NOS1: variants seen among roughly 807,000 people sequenced by gnomAD.
NOS1 encodes NOS type I.
NOS1 carries 51 observed loss-of-function variants against 164.5 expected under a neutral mutation model. The ratio of observed to expected loss-of-function variants is 0.31; its 90% CI spans 0.25 to 0.39. The LOEUF (loss-of-function observed/expected upper bound fraction) is 0.39, where lower values mean the gene tolerates loss of function less well. NOS1 is among the 10% of genes least tolerant of loss of function. NOS1 has a pLI of 1.00. For missense variants in NOS1, 1,362 were observed against 1,885.6 expected (o/e 0.72, Z 5.14); for synonymous variants, 719 against 745.8 (o/e 0.96, Z 0.59).
intron 27 of NOS1, among the ~76,000 whole-genome samples, chr12:117,219,333 C>A (rs763493098): frequency 6.0e-5 from 9 of 149,132 alleles, no homozygotes; most frequent in Non-Finnish European, 1.0e-4. Context: ...TGAGATGGAG[C>A]CTCACTCTCG....
At chr12:117,232,803 C>T (rs1315246970) in intron 21 of NOS1, among the ~76,000 whole-genome samples, 1 of 152,114 alleles carries the variant, frequency 6.6e-6, no homozygotes, top group Admixed American at 6.5e-5. Context: ...GGTTCAATCC[C>T]AAATAAAAAG....
At chr12:117,351,195 T>A (rs979197349) in intron 1 of NOS1, among the ~76,000 whole-genome samples, 3 of 152,192 alleles carry the variant, frequency 2.0e-5, no homozygotes, top group Non-Finnish European at 4.4e-5. Context: ...AGACAGGAGA[T>A]GAGGGAGAAG....
intron 3 of NOS1, among the ~76,000 whole-genome samples, chr12:117,293,812 G>A (rs1486338395): frequency 6.6e-6 from 1 of 152,088 alleles, no homozygotes; most frequent in Admixed American, 6.6e-5. Flanking sequence ...AGGTTTGGGC[G>A]AGTTCTTTCC....
intron 7 of NOS1, among the ~76,000 whole-genome samples, chr12:117,283,278 T>C (rs1233479550): frequency 6.6e-6 from 1 of 152,062 alleles, no homozygotes; most frequent in East Asian, 1.9e-4. Flanking sequence ...CCCAGGCTGG[T>C]CTCAAACTCT....
chr12:117,218,084 G>A lies in NOS1; in HGVS notation c.4251C>T (p.Ser1417=), dbSNP rs771991915. The part of the protein sequence containing the change: ...YEVTNRLRSE[S]IAFIEESKKD... ...TTTTGCTCTCTTCAATGAAGGCAAT[G>A]GACTCAGATCTAAGGCGGTTGGTCA... The change falls in exon 28 of 29, where the codon TCC becomes TCT. Residue 1417 remains serine, a synonymous_variant. Transcript: ENST00000317775. 39 of 1,614,006 alleles carry A rather than the reference G, an allele frequency of 2.4e-5. No homozygotes were observed. Among genetic ancestry groups the A allele is most frequent in the Non-Finnish European group, 9.3e-6 (11 of 1,179,998 alleles).
intron 10 of NOS1, among the ~76,000 whole-genome samples, chr12:117,270,998 G>A (rs1476572085): frequency 2.0e-5 from 3 of 152,074 alleles, no homozygotes; most frequent in East Asian, 1.9e-4. Context: ...AGCCAAGATC[G>A]CACCACTGCA....
chr12:117,222,266 A>G (rs1956719120), intron 26 of NOS1, among the ~76,000 whole-genome samples: 1 of 152,084 alleles, frequency 6.6e-6, no homozygotes, highest in Non-Finnish European at 1.5e-5. Flanking sequence ...CATCACATAT[A>G]TATTTTTGAG....
chr12:117,256,606 CA>C (rs1311591018), intron 16 of NOS1, among the ~76,000 whole-genome samples: 2 of 151,702 alleles, frequency 1.3e-5, no homozygotes, highest in African/African-American at 4.8e-5. Context: ...TTAACACAGC[CA>C]AAAAACACCA....
rs1054760829 is a variant in NOS1 at position 117,243,143 on chromosome 12, G to A, written c.2962+154C>T. 2.1e-4 allele frequency among the ~76,000 whole-genome samples: 32 copies of A among 152,292 alleles called. No individual in the cohort carries two copies. The highest frequency in any genetic ancestry group is 7.0e-4 in the African/African-American group (29 of 41,558). On this transcript the variant is annotated intron_variant, in intron 19 of 28. Transcript: ENST00000317775. The surrounding 1 kb of genome is among the most constrained non-coding windows in gnomAD (Gnocchi z 4.3). ...TTTACCAGCACTTGTTTTACTGAGT[G>A]TGGGAGAGCAGCAAAGTATTCATTT... is the stretch of plus-strand genomic sequence containing the variant.
rs201418346 is a variant in NOS1 at position 117,231,944 on chromosome 12, C to T, written c.3405+18G>A. On this transcript the variant is annotated intron_variant, in intron 22 of 28. Transcript: ENST00000317775. The stretch of plus-strand genomic sequence containing the variant: ...GTGAAATGCGCCCCCTAGGGTTGTG[C>T]GAAGCCTGGGGACCCACCTTGCTGA... 24 of 1,605,406 alleles carry T rather than the reference C, an allele frequency of 1.5e-5. No individual in the cohort carries two copies. The highest frequency in any genetic ancestry group is 9.0e-5 in the East Asian group (4 of 44,584).
chr12:117,318,346 G>A (rs1346765679), intron 2 of NOS1, among the ~76,000 whole-genome samples: 4 of 152,184 alleles, frequency 2.6e-5, no homozygotes, highest in Non-Finnish European at 5.9e-5. Context: ...TAGGCAGCAA[G>A]GTTCCTTCTG....
intron 2 of NOS1, among the ~76,000 whole-genome samples, chr12:117,324,050 C>T (rs1278774052): frequency 6.6e-6 from 1 of 151,800 alleles, no homozygotes; most frequent in Non-Finnish European, 1.5e-5. Flanking sequence ...TGTGGGAGTA[C>T]AGGCATGAGC....
intron 22 of NOS1, among the ~76,000 whole-genome samples, chr12:117,229,268 G>A (rs1410873959): frequency 1.3e-5 from 2 of 152,134 alleles, no homozygotes; most frequent in African/African-American, 4.8e-5. Flanking sequence ...CCCACAGGCT[G>A]CTCCCTGCCA....
rs748417983 is a variant in NOS1 at position 117,234,218 on chromosome 12, A to T, written c.3235+347T>A. On this transcript the variant is annotated intron_variant, in intron 21 of 28. Transcript: ENST00000317775. The surrounding 1 kb of genome is among the most constrained non-coding windows in gnomAD (Gnocchi z 4.3). ...ACTTCAGCTGTTATTTACTTGGTGG[A>T]CAATGGGGTACTAGAGATTTTCCTG... is the stretch of plus-strand genomic sequence containing the variant. 6.6e-6 allele frequency among the ~76,000 whole-genome samples: 1 copy of T among 152,202 alleles called. No individual in the cohort carries two copies. Among genetic ancestry groups the T allele is most frequent in the Admixed American group, 6.5e-5 (1 of 15,282 alleles).
chr12:117,275,388 G>A (rs1481280792), intron 9 of NOS1, among the ~76,000 whole-genome samples: 1 of 152,008 alleles, frequency 6.6e-6, no homozygotes, highest in Non-Finnish European at 1.5e-5. Context: ...TAAGTGAAAT[G>A]AACCAGGAAC....
Position 117,214,491 on chromosome 12 carries a change from A to C in NOS1, c.*818T>G. On this transcript the variant is annotated 3_prime_UTR_variant, in exon 29 of 29. Transcript: ENST00000317775. ...TGGTATGGGTGGGTTTGGGGAGGGGATTTGCACAATCCATTGGATGGGTTC... is the reference window on the plus strand; with the variant it reads ...TGGTATGGGTGGGTTTGGGGAGGGGCTTTGCACAATCCATTGGATGGGTTC... 1 of 985,142 alleles carries C rather than the reference A, an allele frequency of 1.0e-6. No individual in the cohort carries two copies. The highest frequency in any genetic ancestry group is 4.7e-5 in the South Asian group (1 of 21,278). The allele number at this position is 985,142 out of a possible 1,614,324, so 61.0% of individuals were successfully genotyped here. A position where few individuals can be genotyped will look rare whatever the true frequency, so the allele number is the denominator to read the frequency against.
At chr12:117,317,937 C>G (rs113859085) in intron 2 of NOS1, among the ~76,000 whole-genome samples, 189 of 152,144 alleles carry the variant, frequency 1.2e-3, no homozygotes, top group African/African-American at 4.4e-3. Context: ...TTTAGGAGGC[C>G]GAGGTGGGAA....
At position 117,225,267 on chromosome 12, in the gene NOS1, C is replaced by CAGGT; in HGVS notation, c.3705-134_3705-131dup. Reference sequence around the variant, plus strand: ...AGACTTAAGGCTCTTCAGCCGGGGCCAGGTGCCCCTTTCCAGGGTGGGAGT... The same window carrying CAGGT: ...AGACTTAAGGCTCTTCAGCCGGGGCCAGGTAGGTGCCCCTTTCCAGGGTGGGAGT... On this transcript the variant is annotated intron_variant, in intron 24 of 28. Transcript: ENST00000317775. The CAGGT allele has an allele frequency of 7.4e-6, 9 of 1,224,436 alleles. 1 individual carries two copies. The South Asian group carries it at 1.4e-4, about 19-fold the overall frequency. The allele number at this position is 1,224,436 out of a possible 1,614,324, so 75.8% of individuals were successfully genotyped here.
In NOS1 at chr12:117,234,438, G is replaced by T; in HGVS notation, c.3235+127C>A. On this transcript the variant is annotated intron_variant, in intron 21 of 28. Transcript: ENST00000317775. This position sits in a 1 kb window ranked among gnomAD's most constrained non-coding sequence, Gnocchi z 4.3. ...AAAGGGGGATATCTTTAGTCTCATA[G>T]GCTGTTAGCAACAGACACCCACTCT... 2.1e-6 allele frequency: 2 copies of T among 942,530 alleles called. No individual in the cohort carries two copies. The highest frequency in any genetic ancestry group is 3.1e-6 in the Non-Finnish European group (2 of 635,958). The allele number at this position is 942,530 out of a possible 1,614,324, so 58.4% of individuals were successfully genotyped here.
Sources: gnomAD v4.1 joint callset for allele counts (sites outside exome capture counted in the v4.1 genomes callset) on GRCh38, gnomAD v4.1.1 for gene constraint, Gnocchi (gnomAD v3.1) non-coding constraint, MANE v1.5 for transcripts, NCBI Gene and HGNC (gene_info 2026-07-23, HGNC 2026-07-21) for gene names.